CSRNP3: variants seen among roughly 807,000 people sequenced by gnomAD.
CSRNP3 encodes cysteine/serine-rich nuclear protein 3.
A neutral mutation model predicts 48.0 loss-of-function variants in CSRNP3; 12 were observed. The ratio of observed to expected loss-of-function variants is 0.25; its 90% CI spans 0.16 to 0.41. CSRNP3 has a LOEUF of 0.41. CSRNP3 is among the 10% of genes least tolerant of loss of function. The pLI is 1.00. For missense variants in CSRNP3, 580 were observed against 724.4 expected (o/e 0.80, Z 2.29); for synonymous variants, 263 against 269.7 (o/e 0.98, Z 0.24).
At chr2:165,553,303 A>G (rs1441729597) in intron 3 of CSRNP3, among the ~76,000 whole-genome samples, 1 of 152,026 alleles carries the variant, frequency 6.6e-6, no homozygotes, top group African/African-American at 2.4e-5. Flanking sequence ...TACTAAAATA[A>G]CCTAAATTTC....
At chr2:165,539,654 C>G (rs1359556795) in intron 3 of CSRNP3, among the ~76,000 whole-genome samples, 1 of 152,018 alleles carries the variant, frequency 6.6e-6, no homozygotes, top group African/African-American at 2.4e-5. Context: ...TTCCACTCCT[C>G]TCTTTCTGCG....
intron 4 of CSRNP3, among the ~76,000 whole-genome samples, chr2:165,643,568 G>A (rs1041974020): frequency 7.9e-5 from 12 of 151,972 alleles, no homozygotes; most frequent in African/African-American, 1.9e-4. Flanking sequence ...TTTTGACCCC[G>A]GAGTCTCATG....
At chr2:165,518,997 TCTAAAG>T (rs1051319894) in intron 3 of CSRNP3, among the ~76,000 whole-genome samples, 40 of 152,228 alleles carry the variant, frequency 2.6e-4, no homozygotes, top group African/African-American at 9.4e-4. Flanking sequence ...TGTAATTAAT[TCTAAAG>T]CTAAATGGGA....
intron 4 of CSRNP3, among the ~76,000 whole-genome samples, chr2:165,611,261 T>C (rs559007346): frequency 2.6e-5 from 4 of 152,206 alleles, no homozygotes; most frequent in Admixed American, 2.6e-4. Context: ...GGCTCAGGCA[T>C]GTAGACAGCA....
intron 3 of CSRNP3, among the ~76,000 whole-genome samples, chr2:165,527,065 A>C (rs1684741140): frequency 6.6e-6 from 1 of 152,198 alleles, no homozygotes. Flanking sequence ...AATAGCTATG[A>C]AAAGTAAACC....
At chr2:165,663,762 A>G (rs1404506505) in intron 5 of CSRNP3, among the ~76,000 whole-genome samples, 52 of 152,166 alleles carry the variant, frequency 3.4e-4, no homozygotes, top group African/African-American at 1.3e-3. Context: ...TGGATTGTGT[A>G]CTTCTCTTCC....
intron 4 of CSRNP3, among the ~76,000 whole-genome samples, chr2:165,636,858 A>C (rs906433531): frequency 1.3e-5 from 2 of 152,114 alleles, no homozygotes; most frequent in Non-Finnish European, 2.9e-5. Flanking sequence ...ATAATGCTAG[A>C]GCAAAACACA....
chr2:165,601,990 A>T (rs117736830), intron 4 of CSRNP3, among the ~76,000 whole-genome samples: 1 of 152,330 alleles, frequency 6.6e-6, no homozygotes, highest in East Asian at 1.9e-4. Flanking sequence ...TCAAAGTGAT[A>T]TATTCCAAAC....
chr2:165,500,443 G>GTATATATATATATA (rs34901472), intron 2 of CSRNP3, among the ~76,000 whole-genome samples: 2 of 142,834 alleles, frequency 1.4e-5, no homozygotes, highest in African/African-American at 5.2e-5. Context: ...ACACACACGT[G>GTATATATATATATA]TATATATATA....
chr2:165,683,920 C>T lies in CSRNP3; in HGVS notation c.*4167C>T, dbSNP rs2105370627. The T allele has an allele frequency of 6.6e-6, 1 of 152,220 alleles. No homozygotes were observed. The highest frequency in any genetic ancestry group is 1.9e-4 in the East Asian group (1 of 5,174). 9.4% of individuals were successfully genotyped at this position (152,220 alleles called of 1,614,324 possible). On this transcript the variant is annotated 3_prime_UTR_variant, in exon 7 of 7. Coordinates refer to ENST00000651982, the MANE Select transcript of CSRNP3 (RefSeq NM_001172173.2). ...TCGCCCTTCATCTCTCTCCCTCCAT[C>T]TGAAATGTATGAATTAAATCAGGAC...
intron 3 of CSRNP3, among the ~76,000 whole-genome samples, chr2:165,565,954 C>T (rs1017510975): frequency 1.5e-4 from 23 of 151,902 alleles, no homozygotes; most frequent in African/African-American, 5.1e-4. Context: ...AACCTTTAAT[C>T]GGGCCACTGA....
Position 165,592,951 on chromosome 2 carries a change from G to A in CSRNP3, c.-23-2092G>A, listed in dbSNP as rs867573160. Among the ~76,000 whole-genome samples the A allele has an allele frequency of 9.1e-3, 1,374 of 150,892 alleles. 19 individuals carry two copies. Among genetic ancestry groups the A allele is most frequent in the African/African-American group, 0.031 (1,258 of 41,084 alleles). ...CAAGTAGCTGGGACTACAGGCGCCC[G>A]CCACTACGCCCGGCTAATTTTTTGT... On this transcript the variant is annotated intron_variant, in intron 3 of 6. Transcript: ENST00000651982.
intron 3 of CSRNP3, among the ~76,000 whole-genome samples, chr2:165,549,012 C>T (rs376435790): frequency 4.9e-5 from 7 of 143,180 alleles, no homozygotes; most frequent in African/African-American, 7.7e-5. Flanking sequence ...GAGGTAATGT[C>T]TTTTTTTTTT....
rs911142285 is a variant in CSRNP3, at chr2:165,685,054, C to G, written c.*5301C>G. ...TTTAGAAAATAAAAACACACACCTA[C>G]AGCATTCTAAAGAAACTATTTTGTT... On this transcript the variant is annotated 3_prime_UTR_variant, in exon 7 of 7. Transcript: ENST00000651982. The G allele has an allele frequency of 1.1e-4, 16 of 152,060 alleles. No individual in the cohort carries two copies. The highest frequency in any genetic ancestry group is 3.9e-4 in the African/African-American group (16 of 41,426). The allele number at this position is 152,060 out of a possible 1,614,324, so 9.4% of individuals were successfully genotyped here. A position where few individuals can be genotyped will look rare whatever the true frequency, so the allele number is the denominator to read the frequency against.
chr2:165,667,236 A>G (rs1687250461), intron 5 of CSRNP3, among the ~76,000 whole-genome samples: 1 of 152,194 alleles, frequency 6.6e-6, no homozygotes. Context: ...GAGATTAGGG[A>G]CCAGGGCAGA....
chr2:165,611,091 T>C (rs1177632778), intron 4 of CSRNP3, among the ~76,000 whole-genome samples: 1 of 152,084 alleles, frequency 6.6e-6, no homozygotes, highest in Non-Finnish European at 1.5e-5. Flanking sequence ...GATAGTAACC[T>C]GATGCTTAAA....
chr2:165,604,214 C>A (rs1685971792), intron 4 of CSRNP3, among the ~76,000 whole-genome samples: 1 of 152,152 alleles, frequency 6.6e-6, no homozygotes, highest in Non-Finnish European at 1.5e-5. Flanking sequence ...CTAACACTTA[C>A]TGTATTCTAT....
intron 4 of CSRNP3, among the ~76,000 whole-genome samples, chr2:165,633,229 G>C (rs903950951): frequency 6.6e-6 from 1 of 152,146 alleles, no homozygotes; most frequent in Non-Finnish European, 1.5e-5. Context: ...AAGGAAGGCA[G>C]CCAAGATTGT....
At chr2:165,648,151 C>T (rs1161769934) in intron 4 of CSRNP3, among the ~76,000 whole-genome samples, 1 of 151,898 alleles carries the variant, frequency 6.6e-6, no homozygotes, top group East Asian at 1.9e-4. Context: ...AAAATTGAAG[C>T]AAAAGGAAGA....
Sources: gnomAD v4.1 joint callset for allele counts (sites outside exome capture counted in the v4.1 genomes callset) on GRCh38, gnomAD v4.1.1 for gene constraint, MANE v1.5 for transcripts, NCBI Gene and HGNC (gene_info 2026-07-23, HGNC 2026-07-21) for gene names.